The following DLG2 variants were observed in gnomAD, a reference collection of about 807,000 sequenced individuals.
DLG2 encodes disks large homolog 2.
A neutral mutation model predicts 132.5 loss-of-function variants in DLG2; 45 were observed. The ratio of observed to expected loss-of-function variants is 0.34; its 90% CI spans 0.27 to 0.44. The LOEUF (loss-of-function observed/expected upper bound fraction) is 0.44. Among genes scored for constraint, DLG2 ranks in the 20% least tolerant of loss-of-function variants. DLG2 has a pLI of 1.00. For missense variants in DLG2, 1,045 were observed against 1,196.9 expected (o/e 0.87, Z 1.87); for synonymous variants, 424 against 419.6 (o/e 1.01, Z -0.13).
intron 6 of DLG2, among the ~76,000 whole-genome samples, chr11:85,093,046 A>T (rs1380546661): frequency 6.6e-6 from 1 of 152,054 alleles, no homozygotes; most frequent in Non-Finnish European, 1.5e-5. Flanking sequence ...AAACAATCCA[A>T]TTACACTCCT....
chr11:83,868,177 C>T (rs570389691), intron 16 of DLG2, among the ~76,000 whole-genome samples: 1 of 152,290 alleles, frequency 6.6e-6, no homozygotes, highest in East Asian at 1.9e-4. Context: ...CTATCTCCCC[C>T]ACCCAGGGAT....
At chr11:84,976,630 G>C (rs916118231) in intron 6 of DLG2, among the ~76,000 whole-genome samples, 2 of 152,064 alleles carry the variant, frequency 1.3e-5, no homozygotes, top group Admixed American at 6.6e-5. Flanking sequence ...TTTTAAAGTT[G>C]TTTTATGTAT....
chr11:83,784,731 T>C (rs987347917), intron 18 of DLG2, among the ~76,000 whole-genome samples: 4 of 152,244 alleles, frequency 2.6e-5, no homozygotes, highest in Non-Finnish European at 5.9e-5. Flanking sequence ...TTTGTCCTTT[T>C]ATGTAAACTT....
intron 8 of DLG2, among the ~76,000 whole-genome samples, chr11:84,238,624 T>C (rs1302554832): frequency 1.3e-5 from 2 of 150,462 alleles, no homozygotes; most frequent in East Asian, 3.9e-4. Context: ...GCCCCAGAAA[T>C]ATGTTTTAGT....
intron 5 of DLG2, among the ~76,000 whole-genome samples, chr11:85,131,036 T>G (rs891122045): frequency 3.2e-4 from 48 of 152,208 alleles, no homozygotes; most frequent in African/African-American, 1.1e-3. Flanking sequence ...GGTCTGTGTT[T>G]TGTTGATTCG....
At chr11:83,715,128 G>C (rs956166875) in intron 18 of DLG2, among the ~76,000 whole-genome samples, 1 of 152,086 alleles carries the variant, frequency 6.6e-6, no homozygotes, top group Non-Finnish European at 1.5e-5. Flanking sequence ...GATGAAACTG[G>C]TAACTACAAT....
chr11:85,593,938 T>C (rs1192096033), intron 3 of DLG2, among the ~76,000 whole-genome samples: 1 of 152,170 alleles, frequency 6.6e-6, no homozygotes, highest in African/African-American at 2.4e-5. Flanking sequence ...CTGTCCTCTA[T>C]AGCTTACTGT....
chr11:84,016,484 T>G (rs546540982), intron 11 of DLG2, among the ~76,000 whole-genome samples: 7 of 152,198 alleles, frequency 4.6e-5, no homozygotes, highest in African/African-American at 1.7e-4. Flanking sequence ...TAGTTTTGGG[T>G]TTTACATTTA....
At chr11:84,247,283 A>G (rs1156388467) in intron 8 of DLG2, among the ~76,000 whole-genome samples, 1 of 152,182 alleles carries the variant, frequency 6.6e-6, no homozygotes, top group Non-Finnish European at 1.5e-5. Context: ...GCAGAGTACC[A>G]GAGAGTAAAG....
At chr11:85,264,117 T>C in intron 4 of DLG2, among the ~76,000 whole-genome samples, 1 of 152,160 alleles carries the variant, frequency 6.6e-6, no homozygotes, top group East Asian at 1.9e-4. Context: ...TCTCAGACAA[T>C]TGTTCTCCCC....
intron 3 of DLG2, among the ~76,000 whole-genome samples, chr11:85,397,075 A>T (rs2087462486): frequency 6.6e-6 from 1 of 152,224 alleles, no homozygotes; most frequent in Non-Finnish European, 1.5e-5. Context: ...CTAACAGCAG[A>T]TCTCTCAGCA....
At chr11:83,537,807 CA>C (rs1164386994) in intron 20 of DLG2, among the ~76,000 whole-genome samples, 159 of 18,308 alleles carry the variant, frequency 8.7e-3, no homozygotes, top group Non-Finnish European at 0.014. Context: ...GACTCTGTCT[CA>C]AAAAAAAAAA....
intron 18 of DLG2, chr11:83,692,075 G>A (rs778361836): frequency 2.6e-5 from 4 of 152,144 alleles, no homozygotes; most frequent in Admixed American, 6.5e-5. Context: ...TCATGTATCC[G>A]GTAAGTGGTA....
intron 4 of DLG2, among the ~76,000 whole-genome samples, chr11:85,212,558 C>A (rs1045349345): frequency 6.6e-6 from 1 of 152,138 alleles, no homozygotes; most frequent in African/African-American, 2.4e-5. Flanking sequence ...CCAACAAAAT[C>A]TCTAGTTGAG....
At chr11:84,166,089 GC>G (rs1424838921) in intron 8 of DLG2, among the ~76,000 whole-genome samples, 1 of 152,128 alleles carries the variant, frequency 6.6e-6, no homozygotes, top group Non-Finnish European at 1.5e-5. Flanking sequence ...CATTGGAAAG[GC>G]CCTAATCTCT....
intron 20 of DLG2, among the ~76,000 whole-genome samples, chr11:83,533,480 C>G (rs2095807686): frequency 6.6e-6 from 1 of 152,168 alleles, no homozygotes; most frequent in Non-Finnish European, 1.5e-5. Flanking sequence ...TGCTGTAGAA[C>G]AAGATGGCTG....
chr11:83,512,655 C>A (rs564238746), intron 21 of DLG2, among the ~76,000 whole-genome samples: 1 of 151,986 alleles, frequency 6.6e-6, no homozygotes, highest in African/African-American at 2.4e-5. Flanking sequence ...TAACATTAGG[C>A]ATATCTCCTA....
intron 6 of DLG2, among the ~76,000 whole-genome samples, chr11:84,727,004 T>C (rs897034528): frequency 6.6e-6 from 1 of 152,216 alleles, no homozygotes; most frequent in African/African-American, 2.4e-5. Flanking sequence ...TAGCCCTTTG[T>C]CAGATGGATA....
At position 85,454,404 on chromosome 11, in the gene DLG2, C is replaced by A. The variant is rs551825862; in HGVS notation, c.40+144253G>T. On this transcript the variant is annotated intron_variant, in intron 3 of 27. Transcript: ENST00000376104. ...TTTGGTTTTTGCTTGTAAATTTGATCATGTTCTGTATCGATTTTGCATATT... is the reference window on the plus strand; with the variant it reads ...TTTGGTTTTTGCTTGTAAATTTGATAATGTTCTGTATCGATTTTGCATATT... Among the ~76,000 whole-genome samples the A allele has an allele frequency of 2.0e-5, 3 of 151,944 alleles. No homozygotes were observed. The South Asian group carries it at 6.2e-4, about 32-fold the overall frequency.
Sources: allele counts gnomAD v4.1 joint callset (sites outside exome capture counted in the v4.1 genomes callset), GRCh38; gene constraint gnomAD v4.1.1; transcripts MANE v1.5; gene names NCBI Gene and HGNC (gene_info 2026-07-23, HGNC 2026-07-21).